THAP4: variants seen among roughly 807,000 people sequenced by gnomAD.
The protein encoded by THAP4 is peroxynitrite isomerase THAP4.
A neutral mutation model predicts 48.1 loss-of-function variants in THAP4; 18 were observed. The ratio of observed to expected loss-of-function variants is 0.37; its 90% CI spans 0.26 to 0.56. The LOEUF (loss-of-function observed/expected upper bound fraction) is 0.56, where lower values mean the gene tolerates loss of function less well. Among genes scored for constraint, THAP4 ranks in the 20% least tolerant of loss-of-function variants. The probability of loss-of-function intolerance (pLI) is 0.78; values close to 1 mark genes in which losing one functional copy is unlikely to be tolerated. For missense variants in THAP4, 656 were observed against 774.9 expected, an observed-to-expected ratio of 0.85 and a Z score of 1.82; for synonymous variants, 345 against 324.9, an observed-to-expected ratio of 1.06 and a Z score of -0.66.
chr2:241,634,169 A>C (rs1325913042), intron 1 of THAP4, 90 bp from the exon 2 acceptor site: 4 of 1,007,096 alleles, frequency 4.0e-6, no homozygotes, highest in Non-Finnish European at 5.8e-6. Context: ...GTATTTTTGC[A>C]CGCACCCTAA....
At chr2:241,628,087 G>A (rs1391218959) in intron 2 of THAP4, among the ~76,000 whole-genome samples, 4 of 151,960 alleles carry the variant, frequency 2.6e-5, no homozygotes, top group South Asian at 4.2e-4. Context: ...GCGACCCTGG[G>A]AGCACATCCA....
At chr2:241,584,925 C>T in intron 5 of THAP4, 200 bp from the exon 6 acceptor site, 2 of 636,488 alleles carry the variant, frequency 3.1e-6, no homozygotes, top group Non-Finnish European at 2.8e-6. Context: ...CAGAAGACCA[C>T]CAGGGGAACA....
At chr2:241,608,603 T>C (rs982970919) in intron 2 of THAP4, among the ~76,000 whole-genome samples, 2 of 152,218 alleles carry the variant, frequency 1.3e-5, no homozygotes, top group Admixed American at 6.5e-5. Flanking sequence ...GGAACGAGGC[T>C]TGTGATCTAT....
rs551304017 is a variant in THAP4, at chr2:241,610,074, T to C, written c.1241-3601A>G. ...CCCCGGCACGGCCACCACCGGCCCC[T>C]GGGTCCCGAGGGCCCCGAGGAAGAG... On this transcript the variant is annotated intron_variant, in intron 2 of 5. Transcript: ENST00000407315. This position sits in a 1 kb window ranked among gnomAD's most constrained non-coding sequence, Gnocchi z 4.2. 6.6e-6 allele frequency among the ~76,000 whole-genome samples: 1 copy of C among 152,242 alleles called. No homozygotes were observed. Among genetic ancestry groups the C allele is most frequent in the East Asian group, 1.9e-4 (1 of 5,174 alleles).
At chr2:241,626,753 A>G (rs7584880) in intron 2 of THAP4, among the ~76,000 whole-genome samples, 53,885 of 151,578 alleles carry the variant, frequency 0.36, 10,138 homozygotes, top group East Asian at 0.64. Context: ...TAGTAGAGAC[A>G]GGGCTTCACC....
chr2:241,585,387 T>G, intron 5 of THAP4, among the ~76,000 whole-genome samples: 2 of 106,956 alleles, frequency 1.9e-5, no homozygotes, highest in Non-Finnish European at 3.9e-5. Flanking sequence ...GCCCCAGATG[T>G]GTGGGGGGTC....
At chr2:241,620,980 GAAGA>G (rs1334488795) in intron 2 of THAP4, among the ~76,000 whole-genome samples, 3 of 152,030 alleles carry the variant, frequency 2.0e-5, no homozygotes, top group Admixed American at 6.6e-5. Flanking sequence ...AAAAAAATCT[GAAGA>G]GAGAGAGTGA....
Position 241,610,191 on chromosome 2 carries a change from G to C in THAP4, c.1241-3718C>G, listed in dbSNP as rs1444745305. Among the ~76,000 whole-genome samples, 1 of 152,220 alleles carries C rather than the reference G, an allele frequency of 6.6e-6. No individual in the cohort carries two copies. The highest frequency in any genetic ancestry group is 1.5e-5 in the Non-Finnish European group (1 of 68,020). On this transcript the variant is annotated intron_variant, in intron 2 of 5. Coordinates refer to ENST00000407315, the MANE Select transcript of THAP4 (RefSeq NM_015963.6). The surrounding 1 kb of genome is among the most constrained non-coding windows in gnomAD (Gnocchi z 4.2). Reference sequence around the variant, plus strand: ...GCATGGCCTTCACACTCCCCACGAGGCAGGACAGCCCCGGGCTAGGGTGAG... The same window carrying C: ...GCATGGCCTTCACACTCCCCACGAGCCAGGACAGCCCCGGGCTAGGGTGAG...
At chr2:241,624,150 A>G (rs74270771) in intron 2 of THAP4, among the ~76,000 whole-genome samples, 22,580 of 152,190 alleles carry the variant, frequency 0.15, 1,927 homozygotes, top group South Asian at 0.38. Flanking sequence ...AACCCAGAAA[A>G]AGAGTTTATT....
chr2:241,620,089 T>A (rs1323208644), intron 2 of THAP4, among the ~76,000 whole-genome samples: 7 of 34,902 alleles, frequency 2.0e-4, no homozygotes, highest in South Asian at 1.4e-3. Flanking sequence ...GAGTGAGGGG[T>A]GAGTGAGTCG....
intron 2 of THAP4, among the ~76,000 whole-genome samples, chr2:241,608,126 C>T (rs893909463): frequency 6.6e-6 from 1 of 152,024 alleles, no homozygotes; most frequent in African/African-American, 2.4e-5. Context: ...AAAAGAAGAT[C>T]GGGGGAAAGG....
upstream of THAP4, chr2:241,637,307 C>T (rs750716691): frequency 8.5e-7 from 1 of 1,170,048 alleles, no homozygotes; most frequent in Non-Finnish European, 1.1e-6. Context: ...GCGGGGGAGT[C>T]GCCCCGGCGG....
chr2:241,586,437 T>A (rs1357322262), intron 5 of THAP4, among the ~76,000 whole-genome samples: 1 of 152,020 alleles, frequency 6.6e-6, no homozygotes. Context: ...ACAGAACTGC[T>A]CTTTGGTGAG....
At position 241,584,656 on chromosome 2, in the gene THAP4, GTGTCGTGGTT is replaced by G; in HGVS notation, c.1674_1683del (p.Thr559SerfsTer3). 6.2e-7 allele frequency: 1 copy of G among 1,614,192 alleles called. No individual in the cohort carries two copies. The highest frequency in any genetic ancestry group is 8.5e-7 in the Non-Finnish European group (1 of 1,180,020). On this transcript the variant is annotated frameshift_variant, in exon 6 of 6. Coordinates refer to ENST00000407315, the MANE Select transcript of THAP4 (RefSeq NM_015963.6). LOFTEE classifies it high-confidence loss of function. Reference sequence around the variant, plus strand: ...ACGTGAAGATGCTGAGTCATTGGCTGTGTCGTGGTTGCCATGGAGACCGTCTGCTCAAGTT... The same window carrying G: ...ACGTGAAGATGCTGAGTCATTGGCTGGCCATGGAGACCGTCTGCTCAAGTT...
At chr2:241,628,625 A>G (rs1329383483) in intron 2 of THAP4, among the ~76,000 whole-genome samples, 1 of 150,036 alleles carries the variant, frequency 6.7e-6, no homozygotes, top group Non-Finnish European at 1.5e-5. Context: ...GGACTGCCAC[A>G]ACAGTCACCA....
At chr2:241,617,535 A>G (rs554909690) in intron 2 of THAP4, 110 of 1,395,462 alleles carry the variant, frequency 7.9e-5, no homozygotes, top group Non-Finnish European at 1.0e-4. Flanking sequence ...TGCTAACTTT[A>G]AATGGTGCAT....
In THAP4 at chr2:241,633,778, A is replaced by G. The variant is rs1180340348; in HGVS notation, c.379T>C (p.Trp127Arg). The G allele has an allele frequency of 6.2e-7, 1 of 1,613,416 alleles. No homozygotes were observed. Among genetic ancestry groups the G allele is most frequent in the African/African-American group, 1.3e-5 (1 of 74,916 alleles). The change falls in exon 2 of 6, where the codon TGG becomes CGG. Residue 127 changes from tryptophan (W) to arginine (R), a missense_variant. Trp to Arg is a moderately radical substitution (Grantham distance 101, BLOSUM62 -3). Transcript: ENST00000407315. This position sits in a 1 kb window ranked among gnomAD's most constrained non-coding sequence, Gnocchi z 7.5. ...SAATSRGAAG[W>R]SPSSSGNPMA... ...GGGTTTCCACTCGAGGACGGTGACC[A>G]ACCTGCAGCTCCTCTGCTGGTGGCG...
intron 2 of THAP4, among the ~76,000 whole-genome samples, chr2:241,630,640 G>T (rs1318248367): frequency 6.6e-6 from 1 of 152,150 alleles, no homozygotes; most frequent in African/African-American, 2.4e-5. Context: ...TTAGCTGGGT[G>T]TGGTGGCGCA....
chr2:241,602,058 T>G (rs577150751), intron 4 of THAP4, 59 bp from the exon 5 acceptor site: 3 of 1,537,026 alleles, frequency 2.0e-6, no homozygotes, highest in Non-Finnish European at 2.7e-6. Flanking sequence ...AGAGGCAGCC[T>G]TGACTCTCCT....
Sources: allele counts gnomAD v4.1 joint callset (sites outside exome capture counted in the v4.1 genomes callset), GRCh38; gene constraint gnomAD v4.1.1; non-coding constraint Gnocchi (gnomAD v3.1); transcripts MANE v1.5; gene names NCBI Gene and HGNC (gene_info 2026-07-23, HGNC 2026-07-21).